The following CA10 variants were observed in gnomAD, a reference collection of about 807,000 sequenced individuals.
CA10 encodes carbonic anhydrase-related protein 10.
CA10 carries 14 observed loss-of-function variants against 44.2 expected under a neutral mutation model. That is an observed-to-expected ratio of 0.32 (90% CI 0.21 to 0.50). The LOEUF is 0.50. Ranked by LOEUF, CA10 falls within the 20% of genes least tolerant of loss-of-function variation. The probability of loss-of-function intolerance (pLI) is 0.99; values close to 1 mark genes in which losing one functional copy is unlikely to be tolerated. For missense variants in CA10, 350 were observed against 409.7 expected (o/e 0.85, Z 1.26); for synonymous variants, 159 against 141.6 (o/e 1.12, Z -0.87).
At chr17:52,010,566 TA>T (rs1985755562) in intron 2 of CA10, among the ~76,000 whole-genome samples, 1 of 151,884 alleles carries the variant, frequency 6.6e-6, no homozygotes, top group Non-Finnish European at 1.5e-5. Context: ...TTGTGAGAAC[TA>T]ACCTATGAGG....
rs368717880 is a variant in CA10, at chr17:51,650,958, T to C, written c.562-1704A>G. The stretch of plus-strand genomic sequence containing the variant: ...TAAGTGGGAAGTTAATGGTGTGTGA[T>C]TGAGCAGCAATTACAGCCAAATCTC... On this transcript the variant is annotated intron_variant, in intron 5 of 8. Transcript: ENST00000451037. Among the ~76,000 whole-genome samples, 5 of 152,184 alleles carry C rather than the reference T, an allele frequency of 3.3e-5. No homozygotes were observed. In the East Asian group the frequency reaches 5.8e-4, roughly 18 times the overall value.
chr17:52,087,964 T>A (rs1189942087), intron 1 of CA10, among the ~76,000 whole-genome samples: 2 of 152,154 alleles, frequency 1.3e-5, no homozygotes, highest in Non-Finnish European at 2.9e-5. Flanking sequence ...AAGGCCATTA[T>A]CCTTAGTCAT....
intron 1 of CA10, among the ~76,000 whole-genome samples, chr17:52,076,708 AG>A (rs1987827075): frequency 1.3e-5 from 2 of 152,348 alleles, no homozygotes; most frequent in Admixed American, 1.3e-4. Context: ...GTTCTGCCAC[AG>A]TACTACAAGA....
intron 3 of CA10, among the ~76,000 whole-genome samples, chr17:51,831,705 G>C (rs985108814): frequency 2.1e-5 from 3 of 143,594 alleles, no homozygotes; most frequent in African/African-American, 8.6e-5. Context: ...AGCAGCAGCA[G>C]CAGCAGCAGC....
At chr17:51,682,049 A>T (rs1197236642) in intron 4 of CA10, among the ~76,000 whole-genome samples, 1 of 152,198 alleles carries the variant, frequency 6.6e-6, no homozygotes, top group Non-Finnish European at 1.5e-5. Flanking sequence ...ACAACATACC[A>T]TGTTTTCCCC....
chr17:51,709,038 C>T (rs1214809074), intron 4 of CA10, among the ~76,000 whole-genome samples: 5 of 152,228 alleles, frequency 3.3e-5, no homozygotes, highest in Non-Finnish European at 5.9e-5. Context: ...AATAAACTCT[C>T]CTTCATATAT....
rs1326721746 is a variant in CA10, at chr17:51,876,157, C to T, written c.279+54833G>A. Among the ~76,000 whole-genome samples the T allele has an allele frequency of 3.8e-5, 5 of 130,350 alleles. No homozygotes were observed. In the East Asian group the frequency reaches 6.7e-4, roughly 18 times the overall value. The allele number at this position is 130,350 out of a possible 152,430, so 85.5% of individuals were successfully genotyped here. A position where few individuals can be genotyped will look rare whatever the true frequency, so the allele number is the denominator to read the frequency against. On this transcript the variant is annotated intron_variant, in intron 3 of 8. Transcript: ENST00000451037. Reference sequence around the variant, plus strand: ...GTGAAGATAAAATTTTATTTCTTCTCTCGTTTTTTTTTTTTTTTTTTTTTT... The same window carrying T: ...GTGAAGATAAAATTTTATTTCTTCTTTCGTTTTTTTTTTTTTTTTTTTTTT...
At chr17:51,841,532 T>C (rs1031082776) in intron 3 of CA10, among the ~76,000 whole-genome samples, 1 of 152,170 alleles carries the variant, frequency 6.6e-6, no homozygotes, top group Non-Finnish European at 1.5e-5. Flanking sequence ...TAAACTCCAA[T>C]AAATAGGATA....
intron 3 of CA10, among the ~76,000 whole-genome samples, chr17:51,915,358 G>T (rs550846936): frequency 6.6e-6 from 1 of 152,276 alleles, no homozygotes; most frequent in East Asian, 1.9e-4. Context: ...ACCTCTGAAA[G>T]GTGATCAACA....
chr17:52,149,087 T>C (rs766809895), intron 1 of CA10, among the ~76,000 whole-genome samples: 3 of 152,138 alleles, frequency 2.0e-5, no homozygotes, highest in Non-Finnish European at 4.4e-5. Context: ...GTGTGTGTAG[T>C]GAGAGAGAGG....
At chr17:51,991,786 G>A (rs972388133) in intron 2 of CA10, among the ~76,000 whole-genome samples, 5 of 152,120 alleles carry the variant, frequency 3.3e-5, no homozygotes. Flanking sequence ...TCCAGACTGG[G>A]CAACAAGAGC....
chr17:52,044,794 G>T (rs945100451), intron 2 of CA10, among the ~76,000 whole-genome samples: 1 of 151,698 alleles, frequency 6.6e-6, no homozygotes, highest in East Asian at 2.0e-4. Context: ...GAGAAATAAA[G>T]AAGAAAATTG....
At position 52,001,743 on chromosome 17, in the gene CA10, T is replaced by C. The variant is rs567321979; in HGVS notation, c.136+70576A>G. 2.6e-5 allele frequency among the ~76,000 whole-genome samples: 4 copies of C among 152,156 alleles called. No homozygotes were observed. The South Asian group carries it at 6.2e-4, about 24-fold the overall frequency. ...GCAGCCCAACTTTATTAGGGTTAGA[T>C]ATGTATCTTCTCAAAACTATCCTGC... On this transcript the variant is annotated intron_variant, in intron 2 of 8. Transcript: ENST00000451037.
chr17:51,649,286 G>A (rs375767356), intron 5 of CA10, 32 bp from the exon 6 acceptor site: 32 of 1,468,520 alleles, frequency 2.2e-5, no homozygotes, highest in Non-Finnish European at 2.9e-5. Flanking sequence ...TAATGACTGG[G>A]CATCACTCTT....
At chr17:52,139,778 T>C (rs1053561417) in intron 1 of CA10, among the ~76,000 whole-genome samples, 2 of 152,084 alleles carry the variant, frequency 1.3e-5, no homozygotes, top group Admixed American at 1.3e-4. Context: ...CTCCTCTCAA[T>C]AGAATCAGAG....
chr17:51,683,891 A>G (rs1042180744), intron 4 of CA10, among the ~76,000 whole-genome samples: 1 of 152,186 alleles, frequency 6.6e-6, no homozygotes, highest in Non-Finnish European at 1.5e-5. Context: ...ATCACTCTCT[A>G]GTGACTGAGA....
intron 4 of CA10, among the ~76,000 whole-genome samples, chr17:51,730,521 C>A (rs1240643614): frequency 6.6e-6 from 1 of 152,140 alleles, no homozygotes; most frequent in Non-Finnish European, 1.5e-5. Flanking sequence ...TGCAATAAAG[C>A]GAGTCATGCT....
chr17:51,902,397 C>T (rs1186902191), intron 3 of CA10, among the ~76,000 whole-genome samples: 1 of 152,112 alleles, frequency 6.6e-6, no homozygotes, highest in African/African-American at 2.4e-5. Context: ...ATGCTTTTCT[C>T]AGTAAATTTA....
chr17:51,767,755 T>G (rs770238867), intron 3 of CA10, among the ~76,000 whole-genome samples: 1 of 151,116 alleles, frequency 6.6e-6, no homozygotes, highest in Non-Finnish European at 1.5e-5. Context: ...GATGGTCCCA[T>G]CTGGGGGTGA....
Sources: gnomAD v4.1 joint callset for allele counts (sites outside exome capture counted in the v4.1 genomes callset) on GRCh38, gnomAD v4.1.1 for gene constraint, MANE v1.5 for transcripts, NCBI Gene and HGNC (gene_info 2026-07-23, HGNC 2026-07-21) for gene names.